ERICH5: variants seen among roughly 807,000 people sequenced by gnomAD.
ERICH5 encodes the protein glutamate rich 5, also known as glutamate-rich protein 5.
In ERICH5, 24 loss-of-function variants were observed where a neutral mutation model predicts 28.0. That is an observed-to-expected ratio of 0.86 (90% confidence interval 0.62 to 1.21). The LOEUF is 1.21. Among genes scored for constraint, ERICH5 ranks in the 50% most tolerant of loss-of-function variants. ERICH5 has a pLI of 0.00. For missense variants in ERICH5, 421 were observed against 441.2 expected, an observed-to-expected ratio of 0.95 and a Z score of 0.41; for synonymous variants, 163 against 157.6, an observed-to-expected ratio of 1.03 and a Z score of -0.25.
chr8:98,067,734 G>T (rs1814845008), intron 1 of ERICH5, among the ~76,000 whole-genome samples: 1 of 151,810 alleles, frequency 6.6e-6, no homozygotes, highest in African/African-American at 2.4e-5. Context: ...TACTGCCTCA[G>T]CTTCCCGAGT....
chr8:98,064,582 T>A lies in ERICH5; in HGVS notation c.-88T>A, dbSNP rs549889116. The A allele has an allele frequency of 1.4e-5, 17 of 1,204,782 alleles. No individual in the cohort carries two copies. In the South Asian group the frequency reaches 2.1e-4, roughly 15 times the overall value. 74.6% of individuals were successfully genotyped at this position (1,204,782 alleles called of 1,614,324 possible). On this transcript the variant is annotated 5_prime_UTR_variant, in exon 1 of 3. Transcript: ENST00000318528. Reference sequence around the variant, plus strand: ...AGCCGGGCTGCAGAGCTGGAGAAACTTCCGCGGCTACGGGTGCAGTTGCCT... The same window carrying A: ...AGCCGGGCTGCAGAGCTGGAGAAACATCCGCGGCTACGGGTGCAGTTGCCT...
At chr8:98,071,397 G>T (rs571910888) in intron 1 of ERICH5, among the ~76,000 whole-genome samples, 1 of 152,194 alleles carries the variant, frequency 6.6e-6, no homozygotes, top group Non-Finnish European at 1.5e-5. Context: ...AATACGTGTG[G>T]GGGTTAATGA....
intron 2 of ERICH5, among the ~76,000 whole-genome samples, chr8:98,092,677 T>C (rs913426576): frequency 6.6e-6 from 1 of 152,218 alleles, no homozygotes; most frequent in African/African-American, 2.4e-5. Context: ...ATAGAGAGCA[T>C]TTCTTTCATA....
intron 1 of ERICH5, among the ~76,000 whole-genome samples, chr8:98,088,003 C>T (rs72678775): frequency 0.02 from 3,099 of 152,216 alleles, 39 homozygotes; most frequent in Middle Eastern, 0.041. Flanking sequence ...AGGAGGATCA[C>T]TTGAGCCCAG....
intron 2 of ERICH5, among the ~76,000 whole-genome samples, chr8:98,091,943 T>C (rs1563759690): frequency 3.7e-4 from 11 of 29,650 alleles, no homozygotes; most frequent in African/African-American, 1.0e-3. Context: ...CTTCCTTTCT[T>C]TCTTTCTTCT....
Position 98,086,672 on chromosome 8 carries a change from C to T in ERICH5, c.59-2404C>T, listed in dbSNP as rs1038359630. Among the ~76,000 whole-genome samples the T allele has an allele frequency of 1.4e-3, 213 of 152,022 alleles. 1 individual carries two copies. Among genetic ancestry groups the T allele is most frequent in the African/African-American group, 4.9e-3 (202 of 41,496 alleles). ...CACTGAACTGAAAGGAAATGTGGGC[C>T]GGGTGCGGTGGCTCACGCCTGTAAT... On this transcript the variant is annotated intron_variant, in intron 1 of 2. Transcript: ENST00000318528.
At chr8:98,070,619 C>A (rs1785668289) in intron 1 of ERICH5, among the ~76,000 whole-genome samples, 1 of 120,980 alleles carries the variant, frequency 8.3e-6, no homozygotes, top group Admixed American at 9.6e-5. Flanking sequence ...AAGATCGCGC[C>A]ATTGCACTCC....
intron 1 of ERICH5, among the ~76,000 whole-genome samples, chr8:98,067,213 T>G (rs1460229905): frequency 1.3e-5 from 2 of 152,150 alleles, no homozygotes; most frequent in Non-Finnish European, 2.9e-5. Context: ...TATGAGAGGA[T>G]TGCTTGAGGC....
chr8:98,070,743 T>C (rs1474681947), intron 1 of ERICH5, among the ~76,000 whole-genome samples: 1 of 149,066 alleles, frequency 6.7e-6, no homozygotes, highest in Non-Finnish European at 1.5e-5. Context: ...CAATAACTGT[T>C]GAGTAGATGG....
intron 1 of ERICH5, among the ~76,000 whole-genome samples, chr8:98,065,945 G>C (rs1232364817): frequency 1.3e-5 from 2 of 152,180 alleles, no homozygotes; most frequent in Admixed American, 1.3e-4. Flanking sequence ...TTGTGTTGCT[G>C]TTATTTTTGT....
intron 1 of ERICH5, among the ~76,000 whole-genome samples, chr8:98,071,479 A>AT (rs1490062081): frequency 4.6e-5 from 7 of 151,434 alleles, no homozygotes; most frequent in East Asian, 1.9e-4. Context: ...GTACTAGGTA[A>AT]TTTTTTTTTC....
At chr8:98,073,794 C>A (rs1187799429) in intron 1 of ERICH5, among the ~76,000 whole-genome samples, 1 of 151,068 alleles carries the variant, frequency 6.6e-6, no homozygotes, top group Admixed American at 6.6e-5. Context: ...CCACCCACCT[C>A]GGCCTCCCAA....
At chr8:98,084,425 C>T (rs1815236550) in intron 1 of ERICH5, among the ~76,000 whole-genome samples, 1 of 152,146 alleles carries the variant, frequency 6.6e-6, no homozygotes, top group Non-Finnish European at 1.5e-5. Flanking sequence ...TCTTGTCCCC[C>T]AGGCTGGAGT....
intron 1 of ERICH5, among the ~76,000 whole-genome samples, chr8:98,080,969 C>T (rs1815173533): frequency 6.6e-6 from 1 of 152,110 alleles, no homozygotes; most frequent in South Asian, 2.1e-4. Context: ...TCCCAAAGTG[C>T]TGGGATTACA....
intron 1 of ERICH5, among the ~76,000 whole-genome samples, chr8:98,085,357 G>T (rs1304941550): frequency 2.6e-5 from 4 of 151,584 alleles, no homozygotes; most frequent in Admixed American, 2.0e-4. Context: ...TAGAGACGGG[G>T]TTTCACCGTG....
intron 1 of ERICH5, among the ~76,000 whole-genome samples, chr8:98,076,321 T>G (rs1815053942): frequency 6.6e-6 from 1 of 151,944 alleles, no homozygotes; most frequent in African/African-American, 2.4e-5. Context: ...CCCAAAGTGC[T>G]GGGATTACAG....
chr8:98,083,059 T>C (rs555495164), intron 1 of ERICH5, among the ~76,000 whole-genome samples: 1 of 152,336 alleles, frequency 6.6e-6, no homozygotes, highest in East Asian at 1.9e-4. Flanking sequence ...AATATGTTTT[T>C]CAGAATGTAA....
chr8:98,081,986 T>C (rs1815191174), intron 1 of ERICH5, among the ~76,000 whole-genome samples: 1 of 152,072 alleles, frequency 6.6e-6, no homozygotes, highest in South Asian at 2.1e-4. Flanking sequence ...TTCAAGGTCA[T>C]AAAGTGTCTG....
chr8:98,077,540 A>G (rs902898362), intron 1 of ERICH5, among the ~76,000 whole-genome samples: 4 of 152,222 alleles, frequency 2.6e-5, no homozygotes, highest in African/African-American at 4.8e-5. Flanking sequence ...AAGAAATTAA[A>G]GAAAATAAAA....
Sources: allele counts gnomAD v4.1 joint callset (sites outside exome capture counted in the v4.1 genomes callset), GRCh38; gene constraint gnomAD v4.1.1; transcripts MANE v1.5; gene names NCBI Gene and HGNC (gene_info 2026-07-23, HGNC 2026-07-21).